Variants in SLC26A11 observed in about 807,000 individuals in gnomAD.
SLC26A11 encodes the protein solute carrier family 26 member 11, also known as sodium-independent sulfate anion transporter.
Under a neutral mutation model 62.2 loss-of-function variants are expected in SLC26A11, and 58 were observed. That is an observed-to-expected ratio of 0.93 (90% CI 0.76 to 1.16). The LOEUF (loss-of-function observed/expected upper bound fraction) is 1.16. Among genes scored for constraint, SLC26A11 ranks in the 50% most tolerant of loss-of-function variants. The pLI is 0.00. For missense variants in SLC26A11, 790 were observed against 794.3 expected, an observed-to-expected ratio of 0.99 and a Z score of 0.06; for synonymous variants, 411 against 368.9, an observed-to-expected ratio of 1.11 and a Z score of -1.31.
Position 80,246,680 on chromosome 17 carries a change from G to T in SLC26A11, c.1294+31G>T. ...TCCTTGTCCTACAGGGGAGAGCGCT[G>T]TGATGCGGTGTCTGAACGCGGAGGG... On this transcript the variant is annotated intron_variant, in intron 13 of 17. Coordinates refer to ENST00000361193, the MANE Select transcript of SLC26A11 (RefSeq NM_001166347.2). The surrounding 1 kb of genome is among the most constrained non-coding windows in gnomAD (Gnocchi z 4.4). 1 of 1,606,578 alleles carries T rather than the reference G, an allele frequency of 6.2e-7. No homozygotes were observed. The highest frequency in any genetic ancestry group is 1.7e-5 in the Admixed American group (1 of 58,928).
rs376946563 is a variant in SLC26A11, at chr17:80,222,781, G to A, written c.361G>A (p.Ala121Thr). 82 of 1,614,142 alleles carry A rather than the reference G, an allele frequency of 5.1e-5. No homozygotes were observed. The Middle Eastern group carries it at 8.2e-4, about 16-fold the overall frequency. ...LVSFYTFHEP[A>T]YAVLLAFLSG... Reference sequence around the variant, plus strand: ...CTCCTTCTACACCTTCCATGAGCCCGCCTACGCTGTGCTGCTGGCCTTCCT... The same window carrying A: ...CTCCTTCTACACCTTCCATGAGCCCACCTACGCTGTGCTGCTGGCCTTCCT... The change falls in exon 4 of 18, where the codon GCC becomes ACC. Residue 121 changes from alanine to threonine, a missense_variant. Physicochemically the swap from Ala to Thr is moderately conservative, Grantham distance 58. Coordinates refer to ENST00000361193, the MANE Select transcript of SLC26A11 (RefSeq NM_001166347.2). This position sits in a 1 kb window ranked among gnomAD's most constrained non-coding sequence, Gnocchi z 4.7.
At chr17:80,251,458 T>G (rs1442994185) in intron 17 of SLC26A11, 57 bp downstream of exon 17, 3 of 1,605,690 alleles carry the variant, frequency 1.9e-6, no homozygotes, top group Admixed American at 3.4e-5. Flanking sequence ...CATAAATGCT[T>G]ATTGTAAAAA....
chr17:80,232,973 C>G (rs187840909), intron 7 of SLC26A11, among the ~76,000 whole-genome samples: 1 of 152,100 alleles, frequency 6.6e-6, no homozygotes, highest in African/African-American at 2.4e-5. Context: ...ACAGGCCAGG[C>G]GCAGTGGCTC....
chr17:80,250,603 C>T (rs1422154742), intron 16 of SLC26A11, among the ~76,000 whole-genome samples: 2 of 152,000 alleles, frequency 1.3e-5, no homozygotes, highest in Non-Finnish European at 2.9e-5. Flanking sequence ...TTTGAGAGGC[C>T]GAGGCGGGAG....
At chr17:80,237,791 C>T (rs1311479604) in intron 9 of SLC26A11, among the ~76,000 whole-genome samples, 197 bp downstream of exon 9, 1 of 152,266 alleles carries the variant, frequency 6.6e-6, no homozygotes, top group Non-Finnish European at 1.5e-5. Context: ...TGCCCTCCCA[C>T]CCCATGGTGT....
intron 7 of SLC26A11, among the ~76,000 whole-genome samples, chr17:80,234,112 C>G (rs902224064): frequency 2.0e-5 from 3 of 152,164 alleles, no homozygotes; most frequent in African/African-American, 7.2e-5. Flanking sequence ...TCAAGTGATT[C>G]TCCTGTCTCA....
Position 80,246,672 on chromosome 17 carries a change from A to C in SLC26A11, c.1294+23A>C, listed in dbSNP as rs779821148. On this transcript the variant is annotated intron_variant, in intron 13 of 17. Transcript: ENST00000361193. This position sits in a 1 kb window ranked among gnomAD's most constrained non-coding sequence, Gnocchi z 4.4. ...AGAGTACGTCCTTGTCCTACAGGGG[A>C]GAGCGCTGTGATGCGGTGTCTGAAC... 1 of 1,610,844 alleles carries C rather than the reference A, an allele frequency of 6.2e-7. No homozygotes were observed. Among genetic ancestry groups the C allele is most frequent in the Non-Finnish European group, 8.5e-7 (1 of 1,178,728 alleles).
At position 80,237,559 on chromosome 17, in the gene SLC26A11, G is replaced by T. The variant is rs745672652; in HGVS notation, c.950G>T (p.Gly317Val). 3 of 1,612,068 alleles carry T rather than the reference G, an allele frequency of 1.9e-6. No individual in the cohort carries two copies. The highest frequency in any genetic ancestry group is 2.5e-6 in the Non-Finnish European group (3 of 1,179,362). ...GGGCTGGCCGTGGTGCCCCTGATGG[G>T]CCTCCTGGAGAGCATTGCGGTGGCC... ...GAGLAVVPLM[G>V]LLESIAVAKA... Residue 317 changes from glycine to valine, a missense_variant, in exon 9 of 18, where the codon GGC becomes GTC. Physicochemically the swap from Gly to Val is moderately radical, Grantham distance 109. Transcript: ENST00000361193.
intron 10 of SLC26A11, among the ~76,000 whole-genome samples, chr17:80,244,418 C>T (rs112115246): frequency 0.1 from 15,512 of 152,224 alleles, 918 homozygotes; most frequent in African/African-American, 0.15. Flanking sequence ...CTCCCGAGTA[C>T]CTAGGGTTTG....
Position 80,252,916 on chromosome 17 carries a change from C to G in SLC26A11, c.*200C>G. 1 of 538,278 alleles carries G rather than the reference C, an allele frequency of 1.9e-6. No individual in the cohort carries two copies. The highest frequency in any genetic ancestry group is 3.3e-6 in the Non-Finnish European group (1 of 301,156). The allele number at this position is 538,278 out of a possible 1,614,324, so 33.3% of individuals were successfully genotyped here. A position where few individuals can be genotyped will look rare whatever the true frequency, so the allele number is the denominator to read the frequency against. On this transcript the variant is annotated 3_prime_UTR_variant, in exon 18 of 18. Coordinates refer to ENST00000361193, the MANE Select transcript of SLC26A11 (RefSeq NM_001166347.2). The surrounding 1 kb of genome is among the most constrained non-coding windows in gnomAD (Gnocchi z 5.2). The stretch of plus-strand genomic sequence containing the variant: ...GGCTCACTGGCTTCCTGTGGGATGA[C>G]TGGAAAATGACCTCGCTGCTGTTCC...
At position 80,223,392 on chromosome 17, in the gene SLC26A11, G is replaced by C; in HGVS notation, c.513+55G>C. 2 of 1,539,014 alleles carry C rather than the reference G, an allele frequency of 1.3e-6. No homozygotes were observed. Among genetic ancestry groups the C allele is most frequent in the Non-Finnish European group, 1.8e-6 (2 of 1,117,286 alleles). The stretch of plus-strand genomic sequence containing the variant: ...TCTTTGGCCACTGCTCGTTGGCACA[G>C]GGATGGCGGGAGCAGGACTGAGGCC... On this transcript the variant is annotated intron_variant, in intron 5 of 17. Coordinates refer to ENST00000361193, the MANE Select transcript of SLC26A11 (RefSeq NM_001166347.2). This position sits in a 1 kb window ranked among gnomAD's most constrained non-coding sequence, Gnocchi z 4.6.
chr17:80,235,230 A>G (rs908801377), intron 7 of SLC26A11, among the ~76,000 whole-genome samples: 3 of 151,944 alleles, frequency 2.0e-5, no homozygotes, highest in African/African-American at 4.8e-5. Context: ...TTTTAAGTAT[A>G]TGGAATTTGG....
rs1324384543 is a variant in SLC26A11, at chr17:80,237,508, C to T, written c.913-14C>T. 3.7e-6 allele frequency: 6 copies of T among 1,605,786 alleles called. No individual in the cohort carries two copies. The highest frequency in any genetic ancestry group is 5.1e-6 in the Non-Finnish European group (6 of 1,176,386). ...CTTAGGAAGGTCACTCACCATCCCT[C>T]TCTCCTCTCTCAGGACATGGGAGCC... On this transcript the variant is annotated splice_polypyrimidine_tract_variant and intron_variant, in intron 8 of 17. Coordinates refer to ENST00000361193, the MANE Select transcript of SLC26A11 (RefSeq NM_001166347.2).
chr17:80,244,163 G>A (rs532297083), intron 10 of SLC26A11, among the ~76,000 whole-genome samples: 19 of 152,326 alleles, frequency 1.2e-4, no homozygotes, highest in African/African-American at 4.3e-4. Flanking sequence ...GGGTCTTAGC[G>A]AGCAGGAGGG....
At chr17:80,239,387 A>ATTT (rs2042795785) in intron 9 of SLC26A11, among the ~76,000 whole-genome samples, 2 of 124,526 alleles carry the variant, frequency 1.6e-5, no homozygotes, top group African/African-American at 3.6e-5. Flanking sequence ...CCCTCCAGTA[A>ATTT]TTTCTTTTTT....
rs549162883 is a variant in SLC26A11, at chr17:80,246,740, C to T, written c.1294+91C>T. The stretch of plus-strand genomic sequence containing the variant: ...TGCTACCCCATTTTCCTGCAGCCCC[C>T]TCTGTGGGGCTGGGACTGGGAAGTT... On this transcript the variant is annotated intron_variant, in intron 13 of 17. Coordinates refer to ENST00000361193, the MANE Select transcript of SLC26A11 (RefSeq NM_001166347.2). This position sits in a 1 kb window ranked among gnomAD's most constrained non-coding sequence, Gnocchi z 4.4. 1,345 of 1,482,852 alleles carry T rather than the reference C, an allele frequency of 9.1e-4. 2 individuals carry two copies. Among genetic ancestry groups the T allele is most frequent in the Non-Finnish European group, 1.1e-3 (1,215 of 1,101,626 alleles). The allele number at this position is 1,482,852 out of a possible 1,614,324, so 91.9% of individuals were successfully genotyped here. A position where few individuals can be genotyped will look rare whatever the true frequency, so the allele number is the denominator to read the frequency against.
rs2042612304 is a variant in SLC26A11, at chr17:80,233,494, C to A, written c.737-3434C>A. On this transcript the variant is annotated intron_variant, in intron 7 of 17. Transcript: ENST00000361193. ...GTGCTCTTAATTCCTTTGTACAAAT[C>A]CAGATTTCCATCTGGTATAATTTTC... Among the ~76,000 whole-genome samples the A allele has an allele frequency of 2.6e-5, 4 of 151,894 alleles. No homozygotes were observed. The South Asian group carries it at 8.3e-4, about 32-fold the overall frequency.
chr17:80,224,921 C>G (rs1827847986), intron 5 of SLC26A11, among the ~76,000 whole-genome samples: 1 of 152,030 alleles, frequency 6.6e-6, no homozygotes, highest in South Asian at 2.1e-4. Context: ...GAGTCCGCCC[C>G]CCAGGATGTC....
intron 7 of SLC26A11, among the ~76,000 whole-genome samples, chr17:80,234,870 G>C (rs62074421): frequency 1.4e-5 from 2 of 140,544 alleles, no homozygotes; most frequent in South Asian, 4.7e-4. Context: ...TTTTTTTTAA[G>C]ATGGAGTTTC....
Sources: allele counts gnomAD v4.1 joint callset (sites outside exome capture counted in the v4.1 genomes callset), GRCh38; gene constraint gnomAD v4.1.1; non-coding constraint Gnocchi (gnomAD v3.1); transcripts MANE v1.5; gene names NCBI Gene and HGNC (gene_info 2026-07-23, HGNC 2026-07-21).